The following COL4A6 variants were observed in gnomAD, a reference collection of about 807,000 sequenced individuals.
COL4A6 encodes collagen type IV alpha 6 chain, also known as collagen alpha-6(IV) chain.
A neutral mutation model predicts 126.7 loss-of-function variants in COL4A6; 59 were observed. The observed-to-expected ratio is 0.47, with a 90% confidence interval of 0.38 to 0.58. The LOEUF (loss-of-function observed/expected upper bound fraction) is 0.58, where lower values mean the gene tolerates loss of function less well. COL4A6 is among the 20% of genes least tolerant of loss of function. The pLI, the probability that COL4A6 is intolerant of heterozygous loss-of-function variation, is 0.00. For missense variants in COL4A6, 1,285 were observed against 1,337.3 expected, an observed-to-expected ratio of 0.96 and a Z score of 0.61; for synonymous variants, 547 against 496.6, an observed-to-expected ratio of 1.10 and a Z score of -1.35.
At chrX:108,405,201 G>GTTTTTT (rs962511261) in intron 2 of COL4A6, among the ~76,000 whole-genome samples, 1 of 103,787 alleles carries the variant, frequency 9.6e-6, no homozygotes. Flanking sequence ...TTTTGTTTTT[G>GTTTTTT]TTTTTTTTTT....
chrX:108,403,500 C>T (rs2041140128), intron 2 of COL4A6, among the ~76,000 whole-genome samples: 1 of 110,425 alleles, frequency 9.1e-6, no homozygotes, highest in Non-Finnish European at 1.9e-5. Context: ...TTTCTATCCC[C>T]ATTGTAGATA....
At chrX:108,350,628 T>C (rs2039817368) in intron 2 of COL4A6, among the ~76,000 whole-genome samples, 1 of 111,692 alleles carries the variant, frequency 9.0e-6, no homozygotes, top group Non-Finnish European at 1.9e-5. Flanking sequence ...GTAGTGACAA[T>C]ATAAGTGGAT....
At chrX:108,338,735 C>T (rs973681681) in intron 2 of COL4A6, among the ~76,000 whole-genome samples, 1 of 112,271 alleles carries the variant, frequency 8.9e-6, no homozygotes, top group African/African-American at 3.2e-5. Context: ...CAAACAAACA[C>T]ATAAACAGAG....
At chrX:108,417,457 C>T (rs1207117076) in intron 2 of COL4A6, among the ~76,000 whole-genome samples, 2 of 111,983 alleles carry the variant, frequency 1.8e-5, no homozygotes, top group Non-Finnish European at 3.8e-5. Flanking sequence ...AAACTATGTT[C>T]TTGTTCTTTC....
At chrX:108,204,292 T>A (rs1257406265) in intron 12 of COL4A6, 28 bp downstream of exon 12, 3 of 1,072,922 alleles carry the variant, frequency 2.8e-6, no homozygotes, top group Non-Finnish European at 3.7e-6. Context: ...GTTTTATTAA[T>A]TTTTTCCTAT....
In COL4A6 at chrX:108,436,283, G is replaced by C. The variant is rs773144043; in HGVS notation, c.63+1659C>G. Among the ~76,000 whole-genome samples the C allele has an allele frequency of 1.8e-4, 20 of 112,379 alleles. 1 individual carries two copies. Among genetic ancestry groups the C allele is most frequent in the Non-Finnish European group, 3.6e-4 (19 of 53,236 alleles). On this transcript the variant is annotated intron_variant, in intron 2 of 44. Coordinates refer to ENST00000334504, the MANE Select transcript of COL4A6 (RefSeq NM_033641.4). ...GACATAGCAGGTGACATAAAACAATGAGACAGAGTCTAAAACTCATACACC... is the reference window on the plus strand; with the variant it reads ...GACATAGCAGGTGACATAAAACAATCAGACAGAGTCTAAAACTCATACACC...
intron 2 of COL4A6, among the ~76,000 whole-genome samples, chrX:108,344,899 A>G (rs1200228553): frequency 1.8e-5 from 2 of 112,154 alleles, no homozygotes; most frequent in Non-Finnish European, 3.8e-5. Flanking sequence ...TCCATTTTAT[A>G]TAGAAATTAA....
At chrX:108,347,841 G>T (rs1181313919) in intron 2 of COL4A6, among the ~76,000 whole-genome samples, 1 of 109,686 alleles carries the variant, frequency 9.1e-6, no homozygotes, top group Non-Finnish European at 1.9e-5. Flanking sequence ...TCAGACTGTT[G>T]TATGGTGAAC....
chrX:108,278,521 G>A (rs2037689376), intron 3 of COL4A6, among the ~76,000 whole-genome samples: 1 of 111,107 alleles, frequency 9.0e-6, no homozygotes, highest in Non-Finnish European at 1.9e-5. Context: ...TCTGATTGGT[G>A]TACCTGAAAG....
chrX:108,279,944 A>G (rs919289436), intron 3 of COL4A6, among the ~76,000 whole-genome samples: 1 of 111,159 alleles, frequency 9.0e-6, no homozygotes. Context: ...TTTGAAACCA[A>G]TGAGAACAAA....
intron 2 of COL4A6, among the ~76,000 whole-genome samples, chrX:108,340,297 T>C (rs1349883208): frequency 3.6e-5 from 4 of 111,561 alleles, no homozygotes; most frequent in Non-Finnish European, 7.5e-5. Context: ...GGAGCTGAAA[T>C]TTAAATACTA....
At chrX:108,219,999 T>C (rs1365839883) in intron 4 of COL4A6, among the ~76,000 whole-genome samples, 2 of 111,112 alleles carry the variant, frequency 1.8e-5, no homozygotes, top group Non-Finnish European at 3.8e-5. Flanking sequence ...TAAGGCTTAC[T>C]ATTACCTGCT....
chrX:108,275,299 C>T (rs1409635690), intron 3 of COL4A6, among the ~76,000 whole-genome samples: 1 of 111,964 alleles, frequency 8.9e-6, no homozygotes, highest in East Asian at 2.8e-4. Context: ...CCATAAGATA[C>T]TTTCAACTAT....
rs779556307 is a variant in COL4A6, at chrX:108,213,751, T to C, written c.441+361A>G. ...CTTTGGGTTTTGGTTAGTGCTTCCA[T>C]GATCCCATATAAGTCTTCCAAACAT... On this transcript the variant is annotated intron_variant, in intron 6 of 44. Coordinates refer to ENST00000334504, the MANE Select transcript of COL4A6 (RefSeq NM_033641.4). 3.2e-5 allele frequency: 5 copies of C among 156,075 alleles called. No homozygotes were observed. In the East Asian group the frequency reaches 8.4e-4, roughly 26 times the overall value. 12.9% of individuals were successfully genotyped at this position (156,075 alleles called of 1,213,427 possible).
chrX:108,256,035 A>G (rs2036994740), intron 3 of COL4A6, among the ~76,000 whole-genome samples: 1 of 110,996 alleles, frequency 9.0e-6, no homozygotes, highest in Non-Finnish European at 1.9e-5. Context: ...CCTTTTCTGT[A>G]TCTCAGTTTC....
intron 37 of COL4A6, among the ~76,000 whole-genome samples, chrX:108,168,733 T>C (rs2034206679): frequency 8.9e-6 from 1 of 111,997 alleles, no homozygotes; most frequent in African/African-American, 3.2e-5. Context: ...CTTCCTTGTT[T>C]AAAGTCATAT....
chrX:108,296,929 A>C (rs761858957), intron 3 of COL4A6, among the ~76,000 whole-genome samples: 1 of 111,782 alleles, frequency 8.9e-6, no homozygotes, highest in East Asian at 2.8e-4. Context: ...AGAGAGTGAA[A>C]AGGCATTTTA....
At chrX:108,338,854 A>T (rs753047381) in intron 2 of COL4A6, among the ~76,000 whole-genome samples, 1 of 112,064 alleles carries the variant, frequency 8.9e-6, no homozygotes, top group Non-Finnish European at 1.9e-5. Flanking sequence ...ATTAGTTTAG[A>T]CTATAGTATG....
At chrX:108,307,541 A>C (rs1293594300) in intron 3 of COL4A6, among the ~76,000 whole-genome samples, 1 of 112,184 alleles carries the variant, frequency 8.9e-6, no homozygotes, top group Non-Finnish European at 1.9e-5. Flanking sequence ...TGTCCTAGTC[A>C]GTTCAAGAGG....
Sources: allele counts gnomAD v4.1 joint callset (sites outside exome capture counted in the v4.1 genomes callset), GRCh38; gene constraint gnomAD v4.1.1; transcripts MANE v1.5; gene names NCBI Gene and HGNC (gene_info 2026-07-23, HGNC 2026-07-21).